GALNT5: variants seen among roughly 807,000 people sequenced by gnomAD.
The protein encoded by GALNT5 is polypeptide N-acetylgalactosaminyltransferase 5.
In GALNT5, 72 loss-of-function variants were observed where a neutral mutation model predicts 85.4. The observed-to-expected ratio is 0.84, with a 90% CI of 0.70 to 1.03. The LOEUF (loss-of-function observed/expected upper bound fraction) is 1.03. Among genes scored for constraint, GALNT5 ranks in the 50% least tolerant of loss-of-function variants. The pLI is 0.00. For missense variants in GALNT5, 1,137 were observed against 1,135.5 expected, an observed-to-expected ratio of 1.00 and a Z score of -0.02; for synonymous variants, 404 against 397.0, an observed-to-expected ratio of 1.02 and a Z score of -0.21.
At chr2:157,282,618 T>A (rs1035331571) in intron 1 of GALNT5, among the ~76,000 whole-genome samples, 2 of 152,210 alleles carry the variant, frequency 1.3e-5, no homozygotes, top group Non-Finnish European at 2.9e-5. Flanking sequence ...GGTACATGTT[T>A]AATTTCAGCT....
chr2:157,263,444 A>G (rs1465340380), intron 1 of GALNT5, among the ~76,000 whole-genome samples: 1 of 152,190 alleles, frequency 6.6e-6, no homozygotes, highest in Admixed American at 6.5e-5. Context: ...CACCTGGACC[A>G]TGAGGTAGCT....
chr2:157,291,470 G>A (rs562231474), intron 3 of GALNT5, among the ~76,000 whole-genome samples: 2 of 152,134 alleles, frequency 1.3e-5, no homozygotes, highest in African/African-American at 2.4e-5. Flanking sequence ...AAAATTAAAC[G>A]GCACGCCAAG....
intron 8 of GALNT5, among the ~76,000 whole-genome samples, chr2:157,306,056 A>G (rs555901992): frequency 6.6e-6 from 1 of 152,330 alleles, no homozygotes; most frequent in African/African-American, 2.4e-5. Context: ...TGGCACCATC[A>G]TTTGCAAAAG....
chr2:157,270,049 GAAGTC>G (rs1407650936), intron 1 of GALNT5, among the ~76,000 whole-genome samples: 3 of 151,954 alleles, frequency 2.0e-5, no homozygotes, highest in Admixed American at 2.0e-4. Context: ...TAGAGATGAG[GAAGTC>G]ATAGGCTGTA....
chr2:157,310,718 G>A (rs1473651201), intron 9 of GALNT5, among the ~76,000 whole-genome samples: 2 of 151,972 alleles, frequency 1.3e-5, no homozygotes, highest in Non-Finnish European at 2.9e-5. Context: ...TCTGGATTTT[G>A]GACATCAGTT....
At chr2:157,301,283 T>C (rs1683336970) in intron 7 of GALNT5, among the ~76,000 whole-genome samples, 1 of 152,202 alleles carries the variant, frequency 6.6e-6, no homozygotes, top group Non-Finnish European at 1.5e-5. Flanking sequence ...CTTGGTTCCT[T>C]CCTTGTGGAG....
intron 7 of GALNT5, among the ~76,000 whole-genome samples, chr2:157,304,857 C>G (rs1683419769): frequency 1.3e-5 from 2 of 152,208 alleles, no homozygotes; most frequent in South Asian, 4.1e-4. Context: ...ATCCAGTCTG[C>G]ATCAGTGCAG....
intron 1 of GALNT5, among the ~76,000 whole-genome samples, chr2:157,270,365 C>T (rs1240994011): frequency 6.6e-6 from 1 of 152,086 alleles, no homozygotes; most frequent in Non-Finnish European, 1.5e-5. Flanking sequence ...GCTCACTGCC[C>T]CTCTGAAATC....
In GALNT5 at chr2:157,272,170, T is replaced by C. The variant is rs79916453; in HGVS notation, c.1455-12112T>C. 3.1e-3 allele frequency among the ~76,000 whole-genome samples: 475 copies of C among 152,292 alleles called. 5 individuals carry two copies. Among genetic ancestry groups the C allele is most frequent in the Admixed American group, 6.8e-3 (104 of 15,294 alleles). On this transcript the variant is annotated intron_variant, in intron 1 of 9. Coordinates refer to ENST00000259056, the MANE Select transcript of GALNT5 (RefSeq NM_014568.3). ...ATCCTATCAATTACTGATTTTTTTTTCAACTCTCAGCTCTATCTGTACCTA... is the reference window on the plus strand; with the variant it reads ...ATCCTATCAATTACTGATTTTTTTTCCAACTCTCAGCTCTATCTGTACCTA...
At position 157,299,959 on chromosome 2, in the gene GALNT5, C is replaced by T. The variant is rs149712413; in HGVS notation, c.2115+294C>T. On this transcript the variant is annotated intron_variant, in intron 6 of 9. Transcript: ENST00000259056. ...AATGCTGTGGGAGTCATACGTGCTA[C>T]AAAATAACTCTCCTGGAACATCTGT... Among the ~76,000 whole-genome samples, 550 of 152,232 alleles carry T rather than the reference C, an allele frequency of 3.6e-3. 3 individuals are homozygous for T. The highest frequency in any genetic ancestry group is 5.7e-3 in the Non-Finnish European group (388 of 68,004).
chr2:157,273,382 C>T (rs1422768031), intron 1 of GALNT5, among the ~76,000 whole-genome samples: 1 of 151,842 alleles, frequency 6.6e-6, no homozygotes. Context: ...TATATTCTTT[C>T]TTCTTTTTTT....
chr2:157,261,587 C>T (rs562434425), intron 1 of GALNT5, among the ~76,000 whole-genome samples: 35 of 152,316 alleles, frequency 2.3e-4, no homozygotes, highest in African/African-American at 7.7e-4. Context: ...GCGGATGCTA[C>T]GCTCCACTCA....
Position 157,314,209 on chromosome 2 carries a change from T to G in GALNT5, c.*2861T>G, listed in dbSNP as rs1481878074. The G allele has an allele frequency of 6.1e-5, 9 of 146,780 alleles. No individual in the cohort carries two copies. Among genetic ancestry groups the G allele is most frequent in the Admixed American group, 5.3e-4 (8 of 14,980 alleles). The allele number at this position is 146,780 out of a possible 1,614,324, so 9.1% of individuals were successfully genotyped here. On this transcript the variant is annotated 3_prime_UTR_variant, in exon 10 of 10. Transcript: ENST00000259056. ...GATTAGCTTAGGTCATTGCCTTTAC[T>G]TTAAAAAAAAAAAAAAAAAGTCTAT...
intron 1 of GALNT5, among the ~76,000 whole-genome samples, chr2:157,273,141 A>G (rs1211034007): frequency 2.6e-5 from 4 of 151,872 alleles, no homozygotes; most frequent in African/African-American, 9.7e-5. Context: ...AGCCCCACCA[A>G]TTCTCTCGTT....
chr2:157,259,258 A>C lies in GALNT5; in HGVS notation c.1176A>C (p.Ala392=). The C allele has an allele frequency of 1.2e-6, 2 of 1,611,558 alleles. No homozygotes were observed. Among genetic ancestry groups the C allele is most frequent in the Non-Finnish European group, 1.7e-6 (2 of 1,178,974 alleles). ...CTTTAACTGGAGGGCTAGAGCCAGC[A>C]AAAATCAACATAACTGCCAAAGCCC... ...NHALTGGLEP[A]KINITAKAPS... The change falls in exon 1 of 10, where the codon GCA becomes GCC. Residue 392 remains alanine (A), a synonymous_variant. Transcript: ENST00000259056.
chr2:157,259,509 G>C lies in GALNT5; in HGVS notation c.1427G>C (p.Arg476Thr). The C allele has an allele frequency of 2.1e-6, 3 of 1,397,728 alleles. No individual in the cohort carries two copies. The highest frequency in any genetic ancestry group is 2.8e-6 in the Non-Finnish European group (3 of 1,067,596). 86.6% of individuals were successfully genotyped at this position (1,397,728 alleles called of 1,614,324 possible). The change falls in exon 1 of 10, where the codon AGA becomes ACA. Residue 476 changes from arginine (R) to threonine (T), a missense_variant. Physicochemically the swap from Arg to Thr is moderately conservative, Grantham distance 71 (BLOSUM62 -1). Transcript: ENST00000259056. ...CTTAGCGATTTGATCCCAGTGGATA[G>C]AGCCATTGAAGACACCAGACCTGCT... The part of the protein sequence containing the change: ...VYLSDLIPVD[R>T]AIEDTRPAGC...
chr2:157,278,342 G>A (rs1681599293), intron 1 of GALNT5, among the ~76,000 whole-genome samples: 1 of 152,120 alleles, frequency 6.6e-6, no homozygotes, highest in African/African-American at 2.4e-5. Flanking sequence ...GGTGTTCTCT[G>A]TATTTCCTGA....
rs35430045 is a variant in GALNT5 at position 157,273,630 on chromosome 2, C to CTT, written c.1455-10624_1455-10623dup. Among the ~76,000 whole-genome samples the CTT allele has an allele frequency of 4.0e-3, 94 of 23,740 alleles. 18 individuals are homozygous for CTT. Among genetic ancestry groups the CTT allele is most frequent in the African/African-American group, 0.021 (63 of 3,054 alleles). 15.6% of individuals were successfully genotyped at this position (23,740 alleles called of 152,430 possible). A position where few individuals can be genotyped will look rare whatever the true frequency, so the allele number is the denominator to read the frequency against. On this transcript the variant is annotated intron_variant, in intron 1 of 9. Transcript: ENST00000259056. ...TTATTTGAAAACAGCATATTTCTTG[C>CTT]TTTTTTTTTTTTTTTTTTTTTTTTT...
intron 8 of GALNT5, among the ~76,000 whole-genome samples, chr2:157,306,855 T>C (rs575170390): frequency 6.6e-6 from 1 of 152,100 alleles, no homozygotes; most frequent in Non-Finnish European, 1.5e-5. Context: ...CTTTTTTAAT[T>C]AGGAAAGAAA....
Sources: allele counts gnomAD v4.1 joint callset (sites outside exome capture counted in the v4.1 genomes callset), GRCh38; gene constraint gnomAD v4.1.1; transcripts MANE v1.5; gene names NCBI Gene and HGNC (gene_info 2026-07-23, HGNC 2026-07-21).